The following LYN variants were observed in gnomAD, a reference collection of about 807,000 sequenced individuals.
LYN encodes tyrosine-protein kinase Lyn.
Under a neutral mutation model 65.0 loss-of-function variants are expected in LYN, and 12 were observed. That is an observed-to-expected ratio of 0.18 (90% CI 0.12 to 0.30). LYN has a LOEUF of 0.30. Ranked by LOEUF, LYN falls within the 10% of genes least tolerant of loss-of-function variation. LYN has a pLI of 1.00. For synonymous variants in LYN, 222 were observed against 221.2 expected (o/e 1.00, Z -0.03); for missense variants, 380 against 623.2 (o/e 0.61, Z 4.16).
chr8:55,959,522 A>G (rs987684097), intron 8 of LYN, among the ~76,000 whole-genome samples: 5 of 152,352 alleles, frequency 3.3e-5, no homozygotes, highest in African/African-American at 1.2e-4. Flanking sequence ...AATATGTCAC[A>G]TTAGTGCAAA....
At chr8:55,946,595 A>G (rs974392554) in intron 3 of LYN, 102 bp downstream of exon 3, 1 of 762,000 alleles carries the variant, frequency 1.3e-6, no homozygotes, top group East Asian at 2.5e-5. Context: ...ATTGTGGGAC[A>G]TATATAACAT....
At chr8:55,902,287 C>T (rs981801851) in intron 1 of LYN, among the ~76,000 whole-genome samples, 5 of 151,332 alleles carry the variant, frequency 3.3e-5, no homozygotes, top group Non-Finnish European at 7.4e-5. Context: ...GGATGATAGG[C>T]GTGAGCCATT....
In LYN at chr8:55,985,113, G is replaced by A. The variant is rs149053008; in HGVS notation, c.1051-13233G>A. ...GCAAGTGATCCTTTTTCTAGGTCAC[G>A]CATCTTGCAAGGGAATGCTGCTTTT... On this transcript the variant is annotated intron_variant, in intron 10 of 12. Transcript: ENST00000519728. Among the ~76,000 whole-genome samples, 27 of 152,302 alleles carry A rather than the reference G, an allele frequency of 1.8e-4. No homozygotes were observed. In the South Asian group the frequency reaches 2.7e-3, roughly 15 times the overall value.
At chr8:55,914,266 A>C (rs1334402556) in intron 1 of LYN, among the ~76,000 whole-genome samples, 4 of 151,990 alleles carry the variant, frequency 2.6e-5, no homozygotes, top group Non-Finnish European at 5.9e-5. Context: ...TTGAGGACTC[A>C]GGCACTAATC....
At chr8:55,949,283 A>C (rs530883208) in intron 4 of LYN, among the ~76,000 whole-genome samples, 15 of 152,350 alleles carry the variant, frequency 9.8e-5, no homozygotes, top group African/African-American at 2.9e-4. Context: ...ATCCTGGGGC[A>C]AGTTACAAAC....
At chr8:55,978,371 T>G (rs1028792201) in intron 10 of LYN, among the ~76,000 whole-genome samples, 1 of 152,170 alleles carries the variant, frequency 6.6e-6, no homozygotes, top group Non-Finnish European at 1.5e-5. Flanking sequence ...AGAGAAGGAA[T>G]GTGCATGGGG....
At chr8:55,889,082 A>G (rs1464205515) in intron 1 of LYN, among the ~76,000 whole-genome samples, 1 of 152,148 alleles carries the variant, frequency 6.6e-6, no homozygotes, top group Non-Finnish European at 1.5e-5. Flanking sequence ...CAGTGGTGCT[A>G]TCTCGGCTCA....
intron 10 of LYN, among the ~76,000 whole-genome samples, chr8:55,977,042 G>C (rs1057415927): frequency 6.6e-6 from 1 of 151,972 alleles, no homozygotes; most frequent in Non-Finnish European, 1.5e-5. Flanking sequence ...AAAGTTAGCC[G>C]GGCATGGTGG....
chr8:55,999,650 G>A, intron 12 of LYN, 101 bp downstream of exon 12: 1 of 1,204,678 alleles, frequency 8.3e-7, no homozygotes, highest in Non-Finnish European at 1.2e-6. Context: ...CTACCCGATA[G>A]CAAAGAATAA....
intron 10 of LYN, among the ~76,000 whole-genome samples, chr8:55,994,808 G>A (rs545769208): frequency 5.3e-5 from 8 of 152,306 alleles, no homozygotes; most frequent in African/African-American, 1.7e-4. Flanking sequence ...CACTACCATG[G>A]AGTGGAGCCG....
At chr8:55,976,374 C>A (rs1245452616) in intron 10 of LYN, among the ~76,000 whole-genome samples, 3 of 149,798 alleles carry the variant, frequency 2.0e-5, no homozygotes, top group Non-Finnish European at 4.5e-5. Context: ...AGAAAGAAAG[C>A]AAGAAAGCAT....
intron 7 of LYN, 74 bp from the exon 8 acceptor site, chr8:55,953,757 CA>C: frequency 6.9e-7 from 1 of 1,457,264 alleles, no homozygotes; most frequent in East Asian, 2.3e-5. Context: ...GGCTAGTGTT[CA>C]ACTTTTCTTT....
In LYN at chr8:56,009,934, G is replaced by A. The variant is rs778487640; in HGVS notation, c.1363G>A (p.Ala455Thr). 4.3e-6 allele frequency: 7 copies of A among 1,613,892 alleles called. No individual in the cohort carries two copies. Among genetic ancestry groups the A allele is most frequent in the Non-Finnish European group, 5.1e-6 (6 of 1,179,836 alleles). ...PGRTNADVMT[A>T]LSQGYRMPRV... ...GAGAACTAATGCCGACGTGATGACCGCCCTGTCCCAGGGCTACAGGATGCC... is the reference window on the plus strand; with the variant it reads ...GAGAACTAATGCCGACGTGATGACCACCCTGTCCCAGGGCTACAGGATGCC... Residue 455 changes from alanine (A) to threonine (T), a missense_variant, in exon 13 of 13, where the codon GCC (alanine) becomes ACC (threonine). By Grantham distance (58) the Ala-to-Thr change is moderately conservative. Coordinates refer to ENST00000519728, the MANE Select transcript of LYN (RefSeq NM_002350.4).
chr8:56,011,796 A>G lies in LYN; in HGVS notation c.*1686A>G, dbSNP rs1025571677. 1 of 182,488 alleles carries G rather than the reference A, an allele frequency of 5.5e-6. No individual in the cohort carries two copies. Among genetic ancestry groups the G allele is most frequent in the Non-Finnish European group, 1.2e-5 (1 of 85,792 alleles). 11.3% of individuals were successfully genotyped at this position (182,488 alleles called of 1,614,324 possible). ...CAAGTGCCATGTTCAGAACTATAGA[A>G]TATTACTGTTACATAATGTCTGCAC... On this transcript the variant is annotated 3_prime_UTR_variant, in exon 13 of 13. Transcript: ENST00000519728.
chr8:55,957,357 A>T (rs1461893147), intron 8 of LYN, among the ~76,000 whole-genome samples: 1 of 152,220 alleles, frequency 6.6e-6, no homozygotes, highest in East Asian at 1.9e-4. Flanking sequence ...AGAGCCATAA[A>T]TAATCCAATT....
intron 8 of LYN, among the ~76,000 whole-genome samples, chr8:55,963,921 T>A (rs1485983097): frequency 1.3e-5 from 2 of 152,206 alleles, no homozygotes; most frequent in Non-Finnish European, 2.9e-5. Context: ...AGGGCTGGGG[T>A]TAAGGTTAGG....
At chr8:55,969,348 G>A (rs1166053378) in intron 9 of LYN, among the ~76,000 whole-genome samples, 1 of 152,208 alleles carries the variant, frequency 6.6e-6, no homozygotes, top group Non-Finnish European at 1.5e-5. Context: ...GAGTGAGCCT[G>A]GCCAAGTGTC....
intron 1 of LYN, among the ~76,000 whole-genome samples, chr8:55,928,346 A>C (rs1654988936): frequency 6.6e-6 from 1 of 152,192 alleles, no homozygotes; most frequent in Admixed American, 6.5e-5. Flanking sequence ...GGGTTTCACC[A>C]TGTTGGCCAG....
At position 56,010,239 on chromosome 8, in the gene LYN, G is replaced by A; in HGVS notation, c.*129G>A. The A allele has an allele frequency of 1.1e-6, 1 of 881,940 alleles. No homozygotes were observed. The highest frequency in any genetic ancestry group is 1.8e-6 in the Non-Finnish European group (1 of 567,454). 54.6% of individuals were successfully genotyped at this position (881,940 alleles called of 1,614,324 possible). A position where few individuals can be genotyped will look rare whatever the true frequency, so the allele number is the denominator to read the frequency against. On this transcript the variant is annotated 3_prime_UTR_variant, in exon 13 of 13. Transcript: ENST00000519728. The stretch of plus-strand genomic sequence containing the variant: ...GCCGTGCCTGGATCCTGAAATAGAG[G>A]CTAAATTACTCAGGAAGAACACCCT...
Sources: allele counts gnomAD v4.1 joint callset (sites outside exome capture counted in the v4.1 genomes callset), GRCh38; gene constraint gnomAD v4.1.1; transcripts MANE v1.5; gene names NCBI Gene and HGNC (gene_info 2026-07-23, HGNC 2026-07-21).